The following RPS20 variants were observed in gnomAD, a reference collection of about 807,000 sequenced individuals.
RPS20 encodes the protein small ribosomal subunit protein uS10.
In RPS20, 3 loss-of-function variants were observed where a neutral mutation model predicts 15.3. The ratio of observed to expected loss-of-function variants is 0.20; its 90% confidence interval spans 0.09 to 0.51. The LOEUF (loss-of-function observed/expected upper bound fraction) is 0.51. Ranked by LOEUF, RPS20 falls within the 20% of genes least tolerant of loss-of-function variation. The pLI is 0.96. For synonymous variants in RPS20, 62 were observed against 47.8 expected (o/e 1.30, Z -1.23); for missense variants, 67 against 145.9 (o/e 0.46, Z 2.79).
At chr8:56,070,189 T>C (rs527612930), downstream of RPS20, among the ~76,000 whole-genome samples, 8 of 152,308 alleles carry the variant, frequency 5.3e-5, no homozygotes, top group Middle Eastern at 3.4e-3. Flanking sequence ...AAGTTAGTCT[T>C]GGTTTCTTTG....
At chr8:56,074,288 C>A in intron 1 of RPS20, 93 bp downstream of exon 1, 3 of 1,535,682 alleles carry the variant, frequency 2.0e-6, no homozygotes, top group South Asian at 2.3e-5. Flanking sequence ...CTACACGCCC[C>A]GGCATCTGCC....
At chr8:56,070,572 C>G (rs947882699), downstream of RPS20, among the ~76,000 whole-genome samples, 1 of 151,780 alleles carries the variant, frequency 6.6e-6, no homozygotes, top group Admixed American at 6.6e-5. Flanking sequence ...CCCATCTCCA[C>G]AAAAAAAGCC....
At chr8:56,071,249 A>T (rs893331918), downstream of RPS20, among the ~76,000 whole-genome samples, 1 of 152,164 alleles carries the variant, frequency 6.6e-6, no homozygotes, top group African/African-American at 2.4e-5. Flanking sequence ...GACTTTAGTG[A>T]CATTTTTTTC....
rs759461103 is a variant in RPS20 at position 56,073,941 on chromosome 8, T to C, written c.103+119A>G. The C allele has an allele frequency of 1.3e-5, 15 of 1,133,872 alleles. 1 individual carries two copies. Among genetic ancestry groups the C allele is most frequent in the South Asian group, 1.2e-4 (10 of 81,350 alleles). The allele number at this position is 1,133,872 out of a possible 1,614,324, so 70.2% of individuals were successfully genotyped here. ...AAAGCAATTTTAAGCCACGCTTTACTTTTTTAAGTAACTTGTCACTTTAGT... is the reference window on the plus strand; with the variant it reads ...AAAGCAATTTTAAGCCACGCTTTACCTTTTTAAGTAACTTGTCACTTTAGT... On this transcript the variant is annotated intron_variant, in intron 2 of 3. Coordinates refer to ENST00000009589, the MANE Select transcript of RPS20 (RefSeq NM_001023.4).
At chr8:56,068,600 G>A (rs1239512696), downstream of RPS20, 1 of 150,036 alleles carries the variant, frequency 6.7e-6, no homozygotes, top group East Asian at 1.9e-4. Context: ...AAGACCTTCA[G>A]AAGGTCATGC....
downstream of RPS20, chr8:56,072,991 G>A: frequency 1.3e-6 from 2 of 1,484,952 alleles, no homozygotes; most frequent in South Asian, 1.4e-5. Flanking sequence ...AAAAGTGGAA[G>A]TCTCATAGTA....
At chr8:56,073,358 TCATTA>T in intron 3 of RPS20, 86 bp from the exon 4 acceptor site, 1 of 885,446 alleles carries the variant, frequency 1.1e-6, no homozygotes, top group Non-Finnish European at 1.8e-6. Flanking sequence ...TCTAATCATT[TCATTA>T]GTTTCCCTTT....
exon 6 of RPS20, chr8:56,067,665 G>C (rs1420361184): frequency 1.3e-5 from 2 of 149,690 alleles, no homozygotes; most frequent in East Asian, 3.9e-4. Context: ...CAGCCTGGGC[G>C]ACAGAGCGAG....
downstream of RPS20, among the ~76,000 whole-genome samples, chr8:56,071,730 A>C (rs1809761342): frequency 6.6e-6 from 1 of 152,198 alleles, no homozygotes; most frequent in African/African-American, 2.4e-5. Context: ...AGAAATCTCA[A>C]CTGAAGGTCA....
In RPS20 at chr8:56,074,391, G is replaced by T; in HGVS notation, c.-8C>A. ...CGACTGCCGCCTCACCATGGCTGTT[G>T]CGCGCGGGCTTCCTGACCGACTTGT... On this transcript the variant is annotated 5_prime_UTR_variant, in exon 1 of 4. Transcript: ENST00000009589. 1 of 1,559,940 alleles carries T rather than the reference G, an allele frequency of 6.4e-7. No individual in the cohort carries two copies. The highest frequency in any genetic ancestry group is 8.6e-7 in the Non-Finnish European group (1 of 1,158,658).
downstream of RPS20, chr8:56,069,972 G>C: frequency 1.5e-6 from 1 of 647,410 alleles, no homozygotes. Flanking sequence ...AAGTAATCTA[G>C]AGATGACAAA....
chr8:56,067,913 C>T (rs1809654127), exon 6 of RPS20: 1 of 152,056 alleles, frequency 6.6e-6, no homozygotes, highest in South Asian at 2.1e-4. Context: ...GGTTCAGTTT[C>T]GCAAGACAAA....
downstream of RPS20, among the ~76,000 whole-genome samples, chr8:56,072,242 A>G (rs1809784024): frequency 6.6e-6 from 1 of 151,710 alleles, no homozygotes; most frequent in African/African-American, 2.4e-5. Context: ...AAATATAAGT[A>G]TTTTTAAAAA....
chr8:56,072,092 G>A (rs1308110999), downstream of RPS20, among the ~76,000 whole-genome samples: 6 of 151,996 alleles, frequency 3.9e-5, no homozygotes, highest in African/African-American at 1.5e-4. Context: ...AAAACAATTA[G>A]CTGGGCATGG....
At chr8:56,069,982 A>G, downstream of RPS20, 1 of 638,126 alleles carries the variant, frequency 1.6e-6, no homozygotes, top group East Asian at 2.7e-5. Context: ...GAGATGACAA[A>G]TTATACAGGA....
At chr8:56,074,354 G>T (rs1402426319) in intron 1 of RPS20, 27 bp downstream of exon 1, 3 of 1,548,960 alleles carry the variant, frequency 1.9e-6, no homozygotes, top group Non-Finnish European at 2.6e-6. Flanking sequence ...CCTGCGTTGC[G>T]CCGCCCGCCG....
intron 3 of RPS20, 123 bp from the exon 4 acceptor site, chr8:56,073,395 AAT>A: frequency 1.4e-6 from 1 of 732,742 alleles, no homozygotes; most frequent in South Asian, 1.7e-5. Context: ...AATTTACACT[AAT>A]AGATTTTCAG....
At chr8:56,071,059 T>A (rs1033239046), downstream of RPS20, among the ~76,000 whole-genome samples, 1 of 152,342 alleles carries the variant, frequency 6.6e-6, no homozygotes, top group Admixed American at 6.5e-5. Context: ...CAGTTTCAAA[T>A]TTTTTAGTGC....
chr8:56,071,073 T>C (rs1244020324), downstream of RPS20, among the ~76,000 whole-genome samples: 1 of 152,242 alleles, frequency 6.6e-6, no homozygotes, highest in East Asian at 1.9e-4. Context: ...TTAGTGCTAT[T>C]TTAGCTGTAA....
Sources: gnomAD v4.1 joint callset for allele counts (sites outside exome capture counted in the v4.1 genomes callset) on GRCh38, gnomAD v4.1.1 for gene constraint, MANE v1.5 for transcripts, NCBI Gene and HGNC (gene_info 2026-07-23, HGNC 2026-07-21) for gene names.